PLAC1: variants seen among roughly 807,000 people sequenced by gnomAD.
PLAC1 encodes placenta-specific protein 1.
For synonymous variants in PLAC1, 68 were observed against 62.1 expected, an observed-to-expected ratio of 1.09 and a Z score of -0.44; for missense variants, 136 against 163.2, an observed-to-expected ratio of 0.83 and a Z score of 0.91.
chrX:134,735,128 AC>A (rs759176123), intron 1 of PLAC1, among the ~76,000 whole-genome samples: 2 of 111,578 alleles, frequency 1.8e-5, no homozygotes, highest in Non-Finnish European at 3.8e-5. Context: ...CGCACTAAGA[AC>A]TTTTGTTTTC....
At chrX:134,578,030 C>A (rs2077949452) in intron 2 of PLAC1, among the ~76,000 whole-genome samples, 1 of 109,947 alleles carries the variant, frequency 9.1e-6, no homozygotes, top group Non-Finnish European at 1.9e-5. Flanking sequence ...GTATTGGTGG[C>A]AATTACAAGG....
intron 2 of PLAC1, among the ~76,000 whole-genome samples, chrX:134,584,175 C>T (rs1194522517): frequency 8.9e-6 from 1 of 111,747 alleles, no homozygotes; most frequent in African/African-American, 3.3e-5. Context: ...TTTGCTCCTT[C>T]CTTTTGCACA....
At chrX:134,718,917 G>A (rs2078650390) in intron 2 of PLAC1, among the ~76,000 whole-genome samples, 1 of 111,721 alleles carries the variant, frequency 9.0e-6, no homozygotes, top group African/African-American at 3.3e-5. Context: ...GTGAATAATT[G>A]TGTGGGACAG....
intron 2 of PLAC1, among the ~76,000 whole-genome samples, chrX:134,695,520 C>T (rs952819661): frequency 8.9e-6 from 1 of 111,753 alleles, no homozygotes; most frequent in African/African-American, 3.3e-5. Context: ...GACCCATTAC[C>T]TTCACTTTCT....
At chrX:134,680,957 G>C (rs1156390314) in intron 2 of PLAC1, among the ~76,000 whole-genome samples, 1 of 111,690 alleles carries the variant, frequency 9.0e-6, no homozygotes, top group African/African-American at 3.3e-5. Context: ...GGTGAGTCCA[G>C]TGAATTTCAA....
chrX:134,636,990 A>G, intron 1 of PLAC1, among the ~76,000 whole-genome samples: 1 of 112,726 alleles, frequency 8.9e-6, no homozygotes, highest in African/African-American at 3.2e-5. Context: ...CTCCGTAAAC[A>G]GTTAAAGACT....
chrX:134,618,352 A>C (rs2078194730), intron 1 of PLAC1, among the ~76,000 whole-genome samples: 2 of 111,823 alleles, frequency 1.8e-5, no homozygotes, highest in Non-Finnish European at 3.8e-5. Flanking sequence ...CACAGGTACC[A>C]TTGGCATTGC....
intron 2 of PLAC1, among the ~76,000 whole-genome samples, chrX:134,730,545 A>C (rs1466921987): frequency 2.7e-5 from 3 of 110,972 alleles, no homozygotes; most frequent in African/African-American, 9.8e-5. Context: ...CCTGGGCTCA[A>C]GCGATCCTCC....
intron 2 of PLAC1, among the ~76,000 whole-genome samples, chrX:134,707,159 G>A (rs1426021508): frequency 1.8e-5 from 2 of 111,824 alleles, no homozygotes; most frequent in African/African-American, 6.5e-5. Context: ...AGGTTACAAG[G>A]AAATGACATG....
intron 1 of PLAC1, among the ~76,000 whole-genome samples, chrX:134,603,925 T>C (rs995402176): frequency 4.4e-5 from 5 of 112,773 alleles, no homozygotes; most frequent in African/African-American, 1.6e-4. Flanking sequence ...GCATTTTTAT[T>C]TTTAAAGCCG....
At chrX:134,671,749 C>T (rs968427880) in intron 2 of PLAC1, among the ~76,000 whole-genome samples, 3 of 112,021 alleles carry the variant, frequency 2.7e-5, no homozygotes, top group Admixed American at 9.4e-5. Flanking sequence ...CAATCTGACA[C>T]GAGATTTGGA....
intron 1 of PLAC1, among the ~76,000 whole-genome samples, chrX:134,761,126 G>C (rs1024896803): frequency 1.8e-5 from 2 of 111,711 alleles, no homozygotes; most frequent in African/African-American, 6.5e-5. Context: ...GGGAAAAGGA[G>C]AGGGAGGTCA....
At position 134,743,560 on chromosome X, in the gene PLAC1, C is replaced by A. The variant is rs967176819; in HGVS notation, n.90-10041G>T. Among the ~76,000 whole-genome samples the A allele has an allele frequency of 6.6e-4, 74 of 111,553 alleles. 1 individual carries two copies. Among genetic ancestry groups the A allele is most frequent in the Non-Finnish European group, 1.9e-4 (10 of 53,076 alleles). On this transcript the variant is annotated intron_variant and non_coding_transcript_variant, in intron 1 of 2. Coordinates refer to the PLAC1 transcript ENST00000466797. ...TAGAAAATAAAGACGTAGTAAAAAA[C>A]CAAAAGAAACATAAGTTACAGCAAA...
At chrX:134,707,664 A>G (rs2078609917) in intron 2 of PLAC1, among the ~76,000 whole-genome samples, 1 of 112,626 alleles carries the variant, frequency 8.9e-6, no homozygotes, top group African/African-American at 3.2e-5. Context: ...AAGTGATAGA[A>G]GGAATCTTTG....
intron 2 of PLAC1, among the ~76,000 whole-genome samples, chrX:134,596,935 T>C (rs2078064849): frequency 9.2e-6 from 1 of 108,440 alleles, no homozygotes; most frequent in African/African-American, 3.6e-5. Flanking sequence ...CAAGATTGTT[T>C]TCTTTGTCTT....
At chrX:134,637,389 A>G (rs1374040647) in intron 1 of PLAC1, among the ~76,000 whole-genome samples, 1 of 111,811 alleles carries the variant, frequency 8.9e-6, no homozygotes, top group African/African-American at 3.3e-5. Context: ...CCCTATTTGC[A>G]AGTATTCTTC....
At chrX:134,676,912 T>G (rs1331995328) in intron 2 of PLAC1, among the ~76,000 whole-genome samples, 1 of 112,429 alleles carries the variant, frequency 8.9e-6, no homozygotes, top group East Asian at 2.8e-4. Context: ...AGTTACTAAA[T>G]GTCCCTGTGC....
intron 1 of PLAC1, among the ~76,000 whole-genome samples, chrX:134,638,486 A>G (rs1211663116): frequency 8.9e-6 from 1 of 112,652 alleles, no homozygotes; most frequent in Non-Finnish European, 1.9e-5. Flanking sequence ...TGATTCAAAT[A>G]GAAAATCAGT....
At chrX:134,602,387 T>C (rs1026149171) in intron 1 of PLAC1, among the ~76,000 whole-genome samples, 6 of 112,047 alleles carry the variant, frequency 5.4e-5, no homozygotes, top group Non-Finnish European at 1.1e-4. Context: ...ATTAAATCCG[T>C]CTAAAACTGT....
Sources: allele counts gnomAD v4.1 joint callset (sites outside exome capture counted in the v4.1 genomes callset), GRCh38; gene constraint gnomAD v4.1.1; transcripts MANE v1.5; gene names NCBI Gene and HGNC (gene_info 2026-07-23, HGNC 2026-07-21).